The following NHSL1 variants were observed in gnomAD, a reference collection of about 807,000 sequenced individuals.
NHSL1 encodes the protein NHS like 1.
Under a neutral mutation model 95.0 loss-of-function variants are expected in NHSL1, and 48 were observed. The observed-to-expected ratio is 0.51, with a 90% CI of 0.40 to 0.64. The LOEUF (loss-of-function observed/expected upper bound fraction) is 0.64, where lower values mean the gene tolerates loss of function less well. Ranked by LOEUF, NHSL1 falls within the 30% of genes least tolerant of loss-of-function variation. The pLI is 0.00. For missense variants in NHSL1, 1,971 were observed against 2,077.7 expected, an observed-to-expected ratio of 0.95 and a Z score of 1.00; for synonymous variants, 783 against 833.9, an observed-to-expected ratio of 0.94 and a Z score of 1.05.
chr6:138,566,399 AAATCAATCAATC>A (rs61127642), intron 1 of NHSL1, among the ~76,000 whole-genome samples: 4 of 149,766 alleles, frequency 2.7e-5, no homozygotes, highest in African/African-American at 7.5e-5. Context: ...CTCTGTCTCA[AAATCAATCAATC>A]AATCAATCAA....
intron 1 of NHSL1, among the ~76,000 whole-genome samples, chr6:138,589,237 A>G (rs142529842): frequency 0.01 from 1,553 of 152,298 alleles, 14 homozygotes; most frequent in Middle Eastern, 0.044. Context: ...ATGGGACAGT[A>G]TGGGTGAGGC....
chr6:138,609,477 G>C (rs183360949), intron 1 of NHSL1, among the ~76,000 whole-genome samples: 3 of 151,918 alleles, frequency 2.0e-5, no homozygotes, highest in Non-Finnish European at 2.9e-5. Context: ...CCGGCCGGGC[G>C]CGGTGGCTCA....
rs11964883 is a variant in NHSL1 at position 138,564,553 on chromosome 6, A to G, written c.202+7157T>C. 5.1e-3 allele frequency among the ~76,000 whole-genome samples: 770 copies of G among 152,304 alleles called. 9 individuals carry two copies. The highest frequency in any genetic ancestry group is 0.018 in the African/African-American group (730 of 41,558). ...AGCCAAATTCAGAAAGTATTTGCTT[A>G]GCACATTAGCCTGTGCACAAAGCAC... On this transcript the variant is annotated intron_variant, in intron 1 of 6. Transcript: ENST00000427025.
In NHSL1 at chr6:138,650,304, T is replaced by C. The variant is rs1371396234; in HGVS notation, c.96+42172A>G. ...GAAGAGCTGGCCCTACATACTCAGG[T>C]ACTTCCAGCAGTGAATCCAGGATTT... is the stretch of plus-strand genomic sequence containing the variant. On this transcript the variant is annotated intron_variant, in intron 1 of 3. Transcript: ENST00000491526. 5.4e-6 allele frequency: 4 copies of C among 742,350 alleles called. No homozygotes were observed. In the East Asian group the frequency reaches 1.2e-4, roughly 23 times the overall value. The allele number at this position is 742,350 out of a possible 1,614,324, so 46.0% of individuals were successfully genotyped here.
chr6:138,590,723 A>G (rs889199076), intron 1 of NHSL1, among the ~76,000 whole-genome samples: 1 of 152,188 alleles, frequency 6.6e-6, no homozygotes, highest in African/African-American at 2.4e-5. Context: ...GCATAGTACC[A>G]GGAAGCCTGG....
At position 138,542,721 on chromosome 6, in the gene NHSL1, G is replaced by A. The variant is rs147980796; in HGVS notation, c.16+2902C>T. Among the ~76,000 whole-genome samples the A allele has an allele frequency of 4.4e-3, 676 of 152,284 alleles. 2 individuals are homozygous for A. Among genetic ancestry groups the A allele is most frequent in the South Asian group, 0.021 (101 of 4,818 alleles). ...TCAGAGAAGTGTAATTATGTTCCAC[G>A]TAGCTTTAGTAGTAAAAACATTTTA... On this transcript the variant is annotated intron_variant, in intron 1 of 4. Coordinates refer to the NHSL1 transcript ENST00000342260.
At chr6:138,496,612 C>T (rs953195582) in intron 1 of NHSL1, among the ~76,000 whole-genome samples, 3 of 152,170 alleles carry the variant, frequency 2.0e-5, no homozygotes. Flanking sequence ...ATCATTTGCT[C>T]AGTTAACTGC....
chr6:138,550,367 G>A (rs1026861937), upstream of NHSL1, among the ~76,000 whole-genome samples: 1 of 152,348 alleles, frequency 6.6e-6, no homozygotes, highest in African/African-American at 2.4e-5. Context: ...AATTATGATT[G>A]TCTGACACCA....
At position 138,611,258 on chromosome 6, in the gene NHSL1, G is replaced by T. The variant is rs560765172; in HGVS notation, c.96+81218C>A. On this transcript the variant is annotated intron_variant, in intron 1 of 3. Coordinates refer to the NHSL1 transcript ENST00000491526. The stretch of plus-strand genomic sequence containing the variant: ...GCAATCAACAGGCAGCATTTTAATA[G>T]TGTTTCACATATGCCTCACTAAAGG... 4.6e-5 allele frequency among the ~76,000 whole-genome samples: 7 copies of T among 152,302 alleles called. No individual in the cohort carries two copies. In the South Asian group the frequency reaches 1.2e-3, roughly 27 times the overall value.
intron 1 of NHSL1, chr6:138,650,266 G>A: frequency 4.6e-6 from 3 of 652,778 alleles, no homozygotes; most frequent in South Asian, 2.9e-5. Context: ...TGGAAAAGCA[G>A]GCTGGAGCCT....
intron 1 of NHSL1, among the ~76,000 whole-genome samples, chr6:138,618,976 C>T (rs182728917): frequency 6.6e-6 from 1 of 152,332 alleles, no homozygotes; most frequent in Admixed American, 6.5e-5. Context: ...GGAGTTCCTA[C>T]CATTTCCTCT....
intron 2 of NHSL1, among the ~76,000 whole-genome samples, chr6:138,483,603 G>C (rs1779550694): frequency 6.6e-6 from 1 of 152,190 alleles, no homozygotes; most frequent in South Asian, 2.1e-4. Context: ...TCTCTCACCT[G>C]ATGGTGACCT....
intron 2 of NHSL1, among the ~76,000 whole-genome samples, chr6:138,490,975 T>C (rs191184265): frequency 6.6e-6 from 1 of 152,350 alleles, no homozygotes; most frequent in African/African-American, 2.4e-5. Flanking sequence ...GTGTGCACCA[T>C]TGTTTTTAAT....
chr6:138,665,546 C>T (rs1785283213), intron 1 of NHSL1, among the ~76,000 whole-genome samples: 1 of 152,218 alleles, frequency 6.6e-6, no homozygotes, highest in Non-Finnish European at 1.5e-5. Flanking sequence ...GCCTGACTCA[C>T]AGTGCTGCTC....
At chr6:138,482,718 C>G (rs965334131) in intron 2 of NHSL1, among the ~76,000 whole-genome samples, 2 of 152,084 alleles carry the variant, frequency 1.3e-5, no homozygotes, top group Non-Finnish European at 2.9e-5. Context: ...TTGCCACCAA[C>G]GAGAGAGAAG....
At chr6:138,617,494 C>G (rs1482736985) in intron 1 of NHSL1, among the ~76,000 whole-genome samples, 3 of 152,214 alleles carry the variant, frequency 2.0e-5, no homozygotes, top group African/African-American at 7.2e-5. Flanking sequence ...AGTACACTTT[C>G]ATTTGCTCAT....
At position 138,447,203 on chromosome 6, in the gene NHSL1, A is replaced by G; in HGVS notation, c.340-10T>C. On this transcript the variant is annotated splice_polypyrimidine_tract_variant and intron_variant, in intron 3 of 7. Coordinates refer to ENST00000343505, the MANE Select transcript of NHSL1 (RefSeq NM_001144060.2). ...ATGAAGACAGAGAACACTGCAGAGA[A>G]AAAAGAAGCAGCAGCCACAGTGTAT... 3.2e-6 allele frequency: 5 copies of G among 1,547,670 alleles called. No individual in the cohort carries two copies. Among genetic ancestry groups the G allele is most frequent in the Non-Finnish European group, 4.4e-6 (5 of 1,145,004 alleles).
chr6:138,652,384 G>A (rs1209537346), intron 1 of NHSL1, among the ~76,000 whole-genome samples: 1 of 150,274 alleles, frequency 6.7e-6, no homozygotes, highest in African/African-American at 2.5e-5. Context: ...AGGTTGCGGT[G>A]AGCTGAGATC....
At chr6:138,458,922 G>A (rs147006816) in intron 3 of NHSL1, among the ~76,000 whole-genome samples, 109 of 152,144 alleles carry the variant, frequency 7.2e-4, no homozygotes, top group African/African-American at 2.6e-3. Context: ...GGGCAGAATG[G>A]TGAGCTTTCT....
Sources: gnomAD v4.1 joint callset for allele counts (sites outside exome capture counted in the v4.1 genomes callset) on GRCh38, gnomAD v4.1.1 for gene constraint, MANE v1.5 for transcripts, NCBI Gene and HGNC (gene_info 2026-07-23, HGNC 2026-07-21) for gene names.